SGCZ: variants seen among roughly 807,000 people sequenced by gnomAD.
SGCZ encodes the protein zeta-sarcoglycan.
Under a neutral mutation model 41.3 loss-of-function variants are expected in SGCZ, and 40 were observed. That is an observed-to-expected ratio of 0.97 (90% CI 0.75 to 1.26). The LOEUF is 1.26. Ranked by LOEUF, SGCZ falls within the 50% of genes most tolerant of loss-of-function variation. The pLI is 0.00. For missense variants in SGCZ, 552 were observed against 369.8 expected (o/e 1.49, Z -4.04); for synonymous variants, 206 against 137.5 (o/e 1.50, Z -3.49).
chr8:14,324,247 A>G, intron 2 of SGCZ, 43 bp from the exon 3 acceptor site: 2 of 1,402,226 alleles, frequency 1.4e-6, no homozygotes, highest in Non-Finnish European at 2.0e-6. Context: ...TTAATTGGAG[A>G]ATGAATATCT....
At chr8:14,347,725 G>A (rs987924965) in intron 2 of SGCZ, among the ~76,000 whole-genome samples, 2 of 151,760 alleles carry the variant, frequency 1.3e-5, no homozygotes, top group African/African-American at 4.8e-5. Context: ...CTTACCATAT[G>A]TCACGTATGT....
At chr8:14,296,453 A>G (rs1286038500) in intron 3 of SGCZ, among the ~76,000 whole-genome samples, 1 of 152,174 alleles carries the variant, frequency 6.6e-6, no homozygotes, top group Non-Finnish European at 1.5e-5. Flanking sequence ...TAAATATTTG[A>G]ATGAATACTT....
At chr8:14,113,652 T>C (rs1226178616) in intron 5 of SGCZ, among the ~76,000 whole-genome samples, 2 of 152,072 alleles carry the variant, frequency 1.3e-5, no homozygotes, top group Non-Finnish European at 2.9e-5. Context: ...ACATCCTTAT[T>C]AGCGTACTTG....
intron 1 of SGCZ, among the ~76,000 whole-genome samples, chr8:15,036,025 G>C (rs547381770): frequency 6.7e-6 from 1 of 149,852 alleles, no homozygotes; most frequent in South Asian, 2.1e-4. Flanking sequence ...ATAGAAACTA[G>C]AAAAAAATAA....
intron 1 of SGCZ, among the ~76,000 whole-genome samples, chr8:14,797,365 G>T (rs1177221942): frequency 6.6e-6 from 1 of 152,166 alleles, no homozygotes; most frequent in Non-Finnish European, 1.5e-5. Flanking sequence ...CGAGGAACTT[G>T]TTGGTAAATG....
intron 1 of SGCZ, among the ~76,000 whole-genome samples, chr8:14,621,679 A>G (rs1192574423): frequency 6.6e-6 from 1 of 151,756 alleles, no homozygotes; most frequent in Non-Finnish European, 1.5e-5. Flanking sequence ...GAAGTGGGGA[A>G]GTGCTACACT....
chr8:14,918,164 C>A (rs990402240), intron 1 of SGCZ, among the ~76,000 whole-genome samples: 1 of 152,226 alleles, frequency 6.6e-6, no homozygotes, highest in Admixed American at 6.5e-5. Context: ...GTATTTCTTT[C>A]TTCTCCATTT....
intron 1 of SGCZ, among the ~76,000 whole-genome samples, chr8:15,142,554 T>C (rs1463463608): frequency 6.6e-6 from 1 of 152,044 alleles, no homozygotes; most frequent in Non-Finnish European, 1.5e-5. Context: ...CTACTAACCC[T>C]GGGCAAGAGA....
chr8:14,193,709 T>C (rs1158577221), intron 4 of SGCZ, among the ~76,000 whole-genome samples: 2 of 152,046 alleles, frequency 1.3e-5, no homozygotes, highest in African/African-American at 4.8e-5. Flanking sequence ...AAAGATAATA[T>C]TGAGAAACAA....
intron 1 of SGCZ, among the ~76,000 whole-genome samples, chr8:14,808,952 T>C (rs569154688): frequency 6.6e-6 from 1 of 151,162 alleles, no homozygotes; most frequent in South Asian, 2.1e-4. Flanking sequence ...AAATTGGAAA[T>C]CATCATTCTC....
intron 5 of SGCZ, among the ~76,000 whole-genome samples, chr8:14,109,076 T>A (rs1277257925): frequency 6.6e-6 from 1 of 152,170 alleles, no homozygotes; most frequent in Non-Finnish European, 1.5e-5. Context: ...CACCTTTGAT[T>A]ACAGTAACCA....
At chr8:14,655,107 A>G (rs1317323449) in intron 1 of SGCZ, among the ~76,000 whole-genome samples, 2 of 152,112 alleles carry the variant, frequency 1.3e-5, no homozygotes, top group Non-Finnish European at 2.9e-5. Flanking sequence ...ATGAGTAAAG[A>G]ATCTAAGCTT....
At chr8:14,547,818 C>G (rs1261373769) in intron 2 of SGCZ, among the ~76,000 whole-genome samples, 1 of 152,162 alleles carries the variant, frequency 6.6e-6, no homozygotes, top group Admixed American at 6.5e-5. Flanking sequence ...GGGTCCAAAA[C>G]CTTCAATCAG....
At chr8:14,325,747 C>CAT (rs370021799) in intron 2 of SGCZ, among the ~76,000 whole-genome samples, 46 of 69,446 alleles carry the variant, frequency 6.6e-4, no homozygotes, top group Admixed American at 1.8e-3. Flanking sequence ...CACACACACA[C>CAT]ATATATATAT....
intron 1 of SGCZ, among the ~76,000 whole-genome samples, chr8:15,002,433 A>G (rs564144352): frequency 3.9e-5 from 6 of 152,252 alleles, no homozygotes; most frequent in African/African-American, 1.2e-4. Flanking sequence ...AGGCTTCTTA[A>G]TCCTATATAA....
At chr8:14,305,576 G>T (rs891277089) in intron 3 of SGCZ, among the ~76,000 whole-genome samples, 4 of 152,210 alleles carry the variant, frequency 2.6e-5, no homozygotes, top group African/African-American at 9.6e-5. Flanking sequence ...AAAAACAAAT[G>T]CATACAATCA....
intron 1 of SGCZ, among the ~76,000 whole-genome samples, chr8:14,662,360 G>A (rs1028308030): frequency 9.9e-5 from 15 of 152,166 alleles, no homozygotes; most frequent in Non-Finnish European, 2.2e-4. Context: ...TTCCTCATGT[G>A]AAATGGGCAA....
chr8:15,149,461 G>C (rs886692421), intron 1 of SGCZ, among the ~76,000 whole-genome samples: 2 of 152,042 alleles, frequency 1.3e-5, no homozygotes, highest in African/African-American at 4.8e-5. Flanking sequence ...GAATTAAAAT[G>C]CACCAAAAAA....
At chr8:14,203,562 C>T (rs1399996336) in intron 4 of SGCZ, among the ~76,000 whole-genome samples, 2 of 152,044 alleles carry the variant, frequency 1.3e-5, no homozygotes, top group South Asian at 2.1e-4. Flanking sequence ...ATATAATTTT[C>T]TTGCCAGAGT....
Sources: allele counts gnomAD v4.1 joint callset (sites outside exome capture counted in the v4.1 genomes callset), GRCh38; gene constraint gnomAD v4.1.1; transcripts MANE v1.5; gene names NCBI Gene and HGNC (gene_info 2026-07-23, HGNC 2026-07-21).